Variants in CPD observed in about 807,000 individuals in gnomAD.
CPD encodes metallocarboxypeptidase D.
In CPD, 69 loss-of-function variants were observed where a neutral mutation model predicts 138.3. That is an observed-to-expected ratio of 0.50 (90% CI 0.41 to 0.61). The LOEUF (loss-of-function observed/expected upper bound fraction) is 0.61, where lower values mean the gene tolerates loss of function less well. CPD is among the 20% of genes least tolerant of loss of function. The pLI, the probability that CPD is intolerant of heterozygous loss-of-function variation, is 0.00. For missense variants in CPD, 1,432 were observed against 1,733.3 expected, an observed-to-expected ratio of 0.83 and a Z score of 3.09; for synonymous variants, 651 against 642.1, an observed-to-expected ratio of 1.01 and a Z score of -0.21.
chr17:30,390,698 C>T (rs1381504581), intron 2 of CPD, among the ~76,000 whole-genome samples: 1 of 152,196 alleles, frequency 6.6e-6, no homozygotes, highest in Admixed American at 6.5e-5. Context: ...AGCCTTGCTT[C>T]ATTCAACATG....
At chr17:30,420,022 C>T (rs1211638847) in intron 2 of CPD, among the ~76,000 whole-genome samples, 1 of 152,088 alleles carries the variant, frequency 6.6e-6, no homozygotes, top group African/African-American at 2.4e-5. Flanking sequence ...GAAGTTACAC[C>T]CGCTCCTTTC....
chr17:30,468,542 A>C lies in CPD; in HGVS notation c.*3728A>C, dbSNP rs1913704743. The C allele has an allele frequency of 6.6e-6, 1 of 152,606 alleles. No homozygotes were observed. Among genetic ancestry groups the C allele is most frequent in the Non-Finnish European group, 1.5e-5 (1 of 68,020 alleles). The allele number at this position is 152,606 out of a possible 1,614,324, so 9.5% of individuals were successfully genotyped here. ...CTGTGCCTTCAAAATGAAATTTTTAAAAGGGACTTTAAATGAAGTTGAATA... is the reference window on the plus strand; with the variant it reads ...CTGTGCCTTCAAAATGAAATTTTTACAAGGGACTTTAAATGAAGTTGAATA... On this transcript the variant is annotated 3_prime_UTR_variant, in exon 21 of 21. Transcript: ENST00000225719.
chr17:30,390,025 T>C (rs1911308673), intron 2 of CPD, among the ~76,000 whole-genome samples: 2 of 151,966 alleles, frequency 1.3e-5, no homozygotes, highest in South Asian at 4.2e-4. Flanking sequence ...GAGTAATTTT[T>C]TTTTTTTTTT....
At chr17:30,449,528 T>A (rs746904635) in intron 12 of CPD, 25 bp from the exon 13 acceptor site, 3 of 1,553,514 alleles carry the variant, frequency 1.9e-6, no homozygotes, top group Non-Finnish European at 2.6e-6. Context: ...TACTTGCTGA[T>A]TTTTTTGTTT....
intron 3 of CPD, 44 bp from the exon 4 acceptor site, chr17:30,421,620 C>T (rs758114808): frequency 1.3e-6 from 2 of 1,585,914 alleles, no homozygotes; most frequent in East Asian, 2.2e-5. Flanking sequence ...GCGCTCTTGC[C>T]TTCCAAATTC....
intron 1 of CPD, chr17:30,380,439 G>C: frequency 8.1e-7 from 1 of 1,231,064 alleles, no homozygotes; most frequent in South Asian, 2.9e-5. Flanking sequence ...ACAGATCTGT[G>C]AGCCGCTTCA....
chr17:30,387,208 C>A (rs150812480), intron 2 of CPD, among the ~76,000 whole-genome samples: 2,063 of 152,298 alleles, frequency 0.014, 23 homozygotes, highest in Non-Finnish European at 0.022. Flanking sequence ...ACCTCCGCCT[C>A]CTGGCTTCAA....
intron 2 of CPD, among the ~76,000 whole-genome samples, chr17:30,395,240 G>C (rs866228565): frequency 1.5e-5 from 2 of 131,384 alleles, no homozygotes; most frequent in East Asian, 4.3e-4. Context: ...AATGCATTTC[G>C]TACTGGGATG....
chr17:30,439,400 T>TC (rs990776473), intron 9 of CPD, among the ~76,000 whole-genome samples: 2 of 150,276 alleles, frequency 1.3e-5, no homozygotes, highest in African/African-American at 4.9e-5. Context: ...CTTTCTTTTT[T>TC]TTTTTTTCTT....
chr17:30,456,162 AGGAG>A, intron 15 of CPD, 90 bp from the exon 16 acceptor site: 2 of 916,836 alleles, frequency 2.2e-6, no homozygotes, highest in Admixed American at 2.6e-5. Context: ...AAAATTTATT[AGGAG>A]AAAAAGATGA....
chr17:30,388,757 G>A (rs1294337205), intron 2 of CPD, among the ~76,000 whole-genome samples: 1 of 152,124 alleles, frequency 6.6e-6, no homozygotes, highest in African/African-American at 2.4e-5. Flanking sequence ...CTGGGCCTGG[G>A]CCAGTGTCTG....
intron 2 of CPD, among the ~76,000 whole-genome samples, chr17:30,416,189 G>A (rs1388636906): frequency 3.3e-5 from 5 of 152,136 alleles, no homozygotes; most frequent in African/African-American, 7.2e-5. Flanking sequence ...AAAATTAGCC[G>A]GGCGTAGTGC....
At chr17:30,455,831 C>T (rs1410277968) in intron 15 of CPD, 2 of 240,362 alleles carry the variant, frequency 8.3e-6, no homozygotes, top group Non-Finnish European at 1.6e-5. Flanking sequence ...ATTTGTCCTT[C>T]CCTGTTTTAA....
chr17:30,403,572 A>C (rs552253537), intron 2 of CPD, among the ~76,000 whole-genome samples: 83 of 152,362 alleles, frequency 5.4e-4, no homozygotes, highest in African/African-American at 1.9e-3. Context: ...AATACAAATT[A>C]AAACCACAAT....
chr17:30,433,085 C>T (rs1026551627), intron 8 of CPD, among the ~76,000 whole-genome samples: 2 of 152,128 alleles, frequency 1.3e-5, no homozygotes, highest in African/African-American at 4.8e-5. Context: ...TCTGCACTCT[C>T]CAGTCACAGT....
At chr17:30,405,474 A>G (rs1178260788) in intron 2 of CPD, among the ~76,000 whole-genome samples, 4 of 152,168 alleles carry the variant, frequency 2.6e-5, no homozygotes, top group Non-Finnish European at 5.9e-5. Flanking sequence ...ACCTTTCACA[A>G]TATGATGTAA....
chr17:30,449,261 T>C (rs2143483731), intron 12 of CPD, among the ~76,000 whole-genome samples: 1 of 151,954 alleles, frequency 6.6e-6, no homozygotes, highest in South Asian at 2.1e-4. Context: ...TTAAAGAAGA[T>C]AGGGCAAATA....
At position 30,468,447 on chromosome 17, in the gene CPD, AC is replaced by A. The variant is rs1913702837; in HGVS notation, c.*3634del. 6.6e-6 allele frequency: 1 copy of A among 152,524 alleles called. No individual in the cohort carries two copies. The highest frequency in any genetic ancestry group is 1.5e-5 in the Non-Finnish European group (1 of 68,002). 9.4% of individuals were successfully genotyped at this position (152,524 alleles called of 1,614,324 possible). On this transcript the variant is annotated 3_prime_UTR_variant, in exon 21 of 21. Coordinates refer to ENST00000225719, the MANE Select transcript of CPD (RefSeq NM_001304.5). ...GATACTCCCAGTTCTAGAGCAATCT[AC>A]AGCTGTTTATGTGAGGTGCCCAACA...
intron 1 of CPD, chr17:30,380,585 A>C: frequency 6.6e-7 from 1 of 1,505,504 alleles, no homozygotes; most frequent in South Asian, 1.3e-5. Flanking sequence ...ACAAAGTAGA[A>C]GAAGGAGGAC....
Sources: gnomAD v4.1 joint callset for allele counts (sites outside exome capture counted in the v4.1 genomes callset) on GRCh38, gnomAD v4.1.1 for gene constraint, MANE v1.5 for transcripts, NCBI Gene and HGNC (gene_info 2026-07-23, HGNC 2026-07-21) for gene names.